RNF150: variants seen among roughly 807,000 people sequenced by gnomAD.
RNF150 encodes ring finger protein 150.
RNF150 carries 24 observed loss-of-function variants against 39.3 expected under a neutral mutation model. The ratio of observed to expected loss-of-function variants is 0.61; its 90% CI spans 0.44 to 0.86. The LOEUF (loss-of-function observed/expected upper bound fraction) is 0.86, where lower values mean the gene tolerates loss of function less well. Among genes scored for constraint, RNF150 ranks in the 40% least tolerant of loss-of-function variants. RNF150 has a pLI of 0.00. For missense variants in RNF150, 502 were observed against 587.8 expected (o/e 0.85, Z 1.51); for synonymous variants, 255 against 227.3 (o/e 1.12, Z -1.10).
intron 1 of RNF150, among the ~76,000 whole-genome samples, chr4:141,139,834 G>A (rs1040659436): frequency 5.3e-5 from 8 of 152,182 alleles, no homozygotes; most frequent in Non-Finnish European, 7.3e-5. Flanking sequence ...AATCCTGGAA[G>A]TCTGACTCTA....
At chr4:141,087,785 G>A (rs956562556) in intron 1 of RNF150, among the ~76,000 whole-genome samples, 6 of 152,106 alleles carry the variant, frequency 3.9e-5, no homozygotes, top group Admixed American at 1.3e-4. Flanking sequence ...GGAAGAATGT[G>A]TCTGTAATGA....
chr4:141,147,119 T>C (rs1229733120), intron 1 of RNF150, among the ~76,000 whole-genome samples: 1 of 152,204 alleles, frequency 6.6e-6, no homozygotes, highest in Non-Finnish European at 1.5e-5. Flanking sequence ...CACACTCGGC[T>C]AATCATTGTA....
intron 1 of RNF150, among the ~76,000 whole-genome samples, chr4:141,175,987 C>G (rs1223256771): frequency 6.6e-6 from 1 of 152,050 alleles, no homozygotes; most frequent in Admixed American, 6.5e-5. Flanking sequence ...CAGGCTCAAG[C>G]AATCCTCCCA....
chr4:141,115,913 T>C (rs1739535192), intron 1 of RNF150, among the ~76,000 whole-genome samples: 1 of 152,202 alleles, frequency 6.6e-6, no homozygotes, highest in Non-Finnish European at 1.5e-5. Context: ...ATTTAACAAA[T>C]GGGTTTTGGA....
chr4:141,117,241 C>T (rs1739579159), intron 1 of RNF150, among the ~76,000 whole-genome samples: 1 of 152,186 alleles, frequency 6.6e-6, no homozygotes. Context: ...ATAACTTACA[C>T]TAAGAAGTGT....
At chr4:140,949,920 G>T (rs958703983) in intron 2 of RNF150, among the ~76,000 whole-genome samples, 3 of 152,148 alleles carry the variant, frequency 2.0e-5, no homozygotes, top group African/African-American at 4.8e-5. Context: ...GCATGTTTAA[G>T]TGTGAGTGTG....
At chr4:141,155,664 C>T (rs1008599245) in intron 1 of RNF150, among the ~76,000 whole-genome samples, 2 of 152,078 alleles carry the variant, frequency 1.3e-5, no homozygotes, top group Admixed American at 6.5e-5. Context: ...GTGGAGACAA[C>T]ATTTAAATGC....
chr4:141,171,263 A>T (rs750669962), intron 1 of RNF150, among the ~76,000 whole-genome samples: 1 of 152,156 alleles, frequency 6.6e-6, no homozygotes, highest in Non-Finnish European at 1.5e-5. Context: ...TGGACCCTAG[A>T]TCTTCTCATG....
chr4:140,909,013 A>G (rs1201176403), intron 6 of RNF150, among the ~76,000 whole-genome samples: 3 of 152,150 alleles, frequency 2.0e-5, no homozygotes, highest in African/African-American at 4.8e-5. Context: ...CTGCTGGCAA[A>G]ATTTTATCAC....
intron 1 of RNF150, among the ~76,000 whole-genome samples, chr4:141,163,465 C>T (rs1174388382): frequency 6.6e-6 from 1 of 152,260 alleles, no homozygotes; most frequent in Non-Finnish European, 1.5e-5. Flanking sequence ...AAGGGACAGA[C>T]TGCCTCCTTA....
At chr4:140,901,662 T>C (rs774421113) in intron 6 of RNF150, among the ~76,000 whole-genome samples, 6 of 152,184 alleles carry the variant, frequency 3.9e-5, no homozygotes, top group Non-Finnish European at 7.4e-5. Context: ...TTTTAGAACA[T>C]AAAGGTAAAA....
intron 5 of RNF150, among the ~76,000 whole-genome samples, chr4:140,921,216 G>T (rs190341493): frequency 6.6e-6 from 1 of 150,930 alleles, no homozygotes; most frequent in African/African-American, 2.4e-5. Flanking sequence ...TTGATAGACC[G>T]CTAGCAAGAC....
At chr4:140,917,580 C>A (rs1237900095) in intron 5 of RNF150, among the ~76,000 whole-genome samples, 8 of 152,146 alleles carry the variant, frequency 5.3e-5, no homozygotes, top group African/African-American at 1.7e-4. Context: ...GACTCCCACA[C>A]AATCATAATG....
At chr4:141,010,300 G>C (rs1055291213) in intron 1 of RNF150, among the ~76,000 whole-genome samples, 4 of 152,280 alleles carry the variant, frequency 2.6e-5, no homozygotes, top group Middle Eastern at 6.8e-3. Flanking sequence ...AGGAGAATTG[G>C]ATTTTTGTAT....
At chr4:141,092,809 T>C (rs754199047) in intron 1 of RNF150, among the ~76,000 whole-genome samples, 1 of 151,428 alleles carries the variant, frequency 6.6e-6, no homozygotes, top group African/African-American at 2.4e-5. Context: ...ACAAAAGCAT[T>C]TGGCTTATCC....
intron 1 of RNF150, among the ~76,000 whole-genome samples, chr4:141,072,568 A>G (rs914657611): frequency 1.3e-5 from 2 of 152,256 alleles, no homozygotes; most frequent in East Asian, 3.8e-4. Context: ...AGCAAGTGAT[A>G]TAAGAGTGTA....
chr4:141,049,734 T>C (rs1736707936), intron 1 of RNF150, among the ~76,000 whole-genome samples: 1 of 152,182 alleles, frequency 6.6e-6, no homozygotes, highest in Admixed American at 6.5e-5. Flanking sequence ...GATTCCACTG[T>C]TGTAAATTCA....
At chr4:141,033,060 A>G (rs1736011247) in intron 1 of RNF150, among the ~76,000 whole-genome samples, 1 of 152,180 alleles carries the variant, frequency 6.6e-6, no homozygotes, top group Non-Finnish European at 1.5e-5. Context: ...TTGCTGCATC[A>G]ATTGATTCTT....
At chr4:141,148,956 A>G (rs1274334829) in intron 1 of RNF150, among the ~76,000 whole-genome samples, 1 of 152,168 alleles carries the variant, frequency 6.6e-6, no homozygotes, top group African/African-American at 2.4e-5. Flanking sequence ...CCATCCATAG[A>G]GCCTGTCTTT....
Sources: gnomAD v4.1 joint callset for allele counts (sites outside exome capture counted in the v4.1 genomes callset) on GRCh38, gnomAD v4.1.1 for gene constraint, MANE v1.5 for transcripts, NCBI Gene and HGNC (gene_info 2026-07-23, HGNC 2026-07-21) for gene names.